The following SDE2 variants were observed in gnomAD, a reference collection of about 807,000 sequenced individuals.
SDE2 encodes spliceosome associated SDE2, also known as splicing regulator SDE2.
In SDE2, 31 loss-of-function variants were observed where a neutral mutation model predicts 46.9. The ratio of observed to expected loss-of-function variants is 0.66; its 90% CI spans 0.50 to 0.89. The LOEUF (loss-of-function observed/expected upper bound fraction) is 0.89, where lower values mean the gene tolerates loss of function less well. SDE2 is among the 40% of genes least tolerant of loss of function. The probability of loss-of-function intolerance (pLI) is 0.00; values close to 1 mark genes in which losing one functional copy is unlikely to be tolerated. For synonymous variants in SDE2, 205 were observed against 204.3 expected, an observed-to-expected ratio of 1.00 and a Z score of -0.03; for missense variants, 542 against 564.4, an observed-to-expected ratio of 0.96 and a Z score of 0.40.
Position 225,992,896 on chromosome 1 carries a change from T to C in SDE2, c.345A>G (p.Glu115=), listed in dbSNP as rs1361551980. Residue 115 remains glutamate (E), a synonymous_variant, in exon 3 of 7, where the codon GAA becomes GAG. Transcript: ENST00000272091. ...AAAAAAGGTGGGCATCTTACGCTTT[T>C]TCATGATTGACATCGCGTAGTCTCC... is the stretch of plus-strand genomic sequence containing the variant. ...SGRRLRDVNH[E]KAMAEWVKQQ... is the part of the protein sequence containing the mutation. The C allele has an allele frequency of 1.9e-6, 3 of 1,598,932 alleles. No individual in the cohort carries two copies. In the East Asian group the frequency reaches 6.7e-5, roughly 36 times the overall value.
Position 225,985,050 on chromosome 1 carries a change from A to G in SDE2, c.*252T>C. ...TAGATTCATTACCTAAATGACACCA[A>G]GATCAAACCAAAAAATGTGAATAGC... On this transcript the variant is annotated 3_prime_UTR_variant, in exon 7 of 7. Coordinates refer to ENST00000272091, the MANE Select transcript of SDE2 (RefSeq NM_152608.4). The G allele has an allele frequency of 2.1e-6, 1 of 465,328 alleles. No homozygotes were observed. Among genetic ancestry groups the G allele is most frequent in the Non-Finnish European group, 3.8e-6 (1 of 261,522 alleles). The allele number at this position is 465,328 out of a possible 1,614,324, so 28.8% of individuals were successfully genotyped here.
intron 2 of SDE2, among the ~76,000 whole-genome samples, chr1:225,993,517 C>G (rs575746820): frequency 7.9e-5 from 12 of 151,898 alleles, no homozygotes; most frequent in Admixed American, 6.6e-4. Context: ...GAGGCTGAGG[C>G]AGGAGAATGG....
chr1:225,990,821 G>C (rs953938468), intron 5 of SDE2, among the ~76,000 whole-genome samples: 1 of 152,192 alleles, frequency 6.6e-6, no homozygotes, highest in African/African-American at 2.4e-5. Context: ...AAAAAGTACT[G>C]CTGTGCTTTT....
rs1178484536 is a variant in SDE2 at position 225,983,607 on chromosome 1, G to T, written c.*1695C>A. On this transcript the variant is annotated 3_prime_UTR_variant, in exon 7 of 7. Transcript: ENST00000272091. ...ACATTGCCCAGGCTGGTCTCGAAAT[G>T]ATCCTCCCACCTCAGCCTCTCAAAT... is the stretch of plus-strand genomic sequence containing the variant. 1.3e-5 allele frequency: 2 copies of T among 152,060 alleles called. No homozygotes were observed. Among genetic ancestry groups the T allele is most frequent in the African/African-American group, 4.8e-5 (2 of 41,398 alleles). 9.4% of individuals were successfully genotyped at this position (152,060 alleles called of 1,614,324 possible).
At chr1:225,986,456 G>A (rs1018261168) in intron 6 of SDE2, among the ~76,000 whole-genome samples, 3 of 151,824 alleles carry the variant, frequency 2.0e-5, no homozygotes, top group Non-Finnish European at 2.9e-5. Flanking sequence ...AAATATTAAA[G>A]AGCTCTGGAG....
At chr1:225,994,846 A>C (rs752679037) in intron 2 of SDE2, among the ~76,000 whole-genome samples, 6 of 152,142 alleles carry the variant, frequency 3.9e-5, no homozygotes, top group Non-Finnish European at 7.3e-5. Context: ...AAAATAAAAG[A>C]CAGCCTGGGC....
rs1472143617 is a variant in SDE2 at position 225,982,760 on chromosome 1, CATT to C, written c.*2539_*2541del. On this transcript the variant is annotated 3_prime_UTR_variant, in exon 7 of 7. Transcript: ENST00000272091. ...CTCTTAATTTCTTTAAAATACATAT[CATT>C]ATTTAAAGCAGAAATTGTAACTTAT... The C allele has an allele frequency of 1.3e-5, 2 of 151,832 alleles. No homozygotes were observed. The highest frequency in any genetic ancestry group is 4.8e-5 in the African/African-American group (2 of 41,356). The allele number at this position is 151,832 out of a possible 1,614,324, so 9.4% of individuals were successfully genotyped here.
intron 1 of SDE2, among the ~76,000 whole-genome samples, chr1:225,997,710 C>T (rs1656560546): frequency 6.6e-6 from 1 of 152,166 alleles, no homozygotes; most frequent in African/African-American, 2.4e-5. Flanking sequence ...GAATTACAGG[C>T]GTGAGCCACC....
At position 225,988,082 on chromosome 1, in the gene SDE2, T is replaced by A. The variant is rs1051113051; in HGVS notation, c.948A>T (p.Thr316=). ...EHMESRMVTE[T]EETQEKKAES... ...CTGCCTTCTTCTCCTGGGTCTCTTC[T>A]GTTTCTGTAACCATCCTGCTTTCCA... The change falls in exon 6 of 7, where the codon ACA becomes ACT. Residue 316 remains threonine (T), a synonymous_variant. Coordinates refer to ENST00000272091, the MANE Select transcript of SDE2 (RefSeq NM_152608.4). 6.2e-7 allele frequency: 1 copy of A among 1,614,092 alleles called. No individual in the cohort carries two copies. Among genetic ancestry groups the A allele is most frequent in the Non-Finnish European group, 8.5e-7 (1 of 1,180,032 alleles).
rs759366781 is a variant in SDE2 at position 225,988,071 on chromosome 1, T to C, written c.959A>G (p.Gln320Arg). Reference protein sequence around the residue: ...SRMVTETEETQEKKAESKEPI... With the variant: ...SRMVTETEETREKKAESKEPI... ...TTCTTTACTCTCTGCCTTCTTCTCC[T>C]GGGTCTCTTCTGTTTCTGTAACCAT... Residue 320 changes from glutamine to arginine, a missense_variant, in exon 6 of 7, where the codon CAG becomes CGG. Physicochemically the swap from Gln to Arg is conservative, Grantham distance 43 (BLOSUM62 1). Coordinates refer to ENST00000272091, the MANE Select transcript of SDE2 (RefSeq NM_152608.4). The C allele has an allele frequency of 1.2e-6, 2 of 1,614,200 alleles. No homozygotes were observed. Among genetic ancestry groups the C allele is most frequent in the South Asian group, 2.2e-5 (2 of 91,086 alleles).
chr1:225,998,401 T>C (rs1656580741), intron 1 of SDE2, among the ~76,000 whole-genome samples: 1 of 152,146 alleles, frequency 6.6e-6, no homozygotes, highest in Non-Finnish European at 1.5e-5. Context: ...GCAGAGGAAA[T>C]AGCCGAGGAA....
Position 225,992,970 on chromosome 1 carries a change from G to T in SDE2, c.271C>A (p.Gln91Lys). The change falls in exon 3 of 7, where the codon CAG becomes AAG. Residue 91 changes from glutamine (Q) to lysine (K), a missense_variant. Around this residue, in one of 3 missense-constraint regions of SDE2, gnomAD observed 6 missense variants for 20.1 expected, o/e 0.30. Transcript: ENST00000272091. Reference protein sequence around the residue: ...FGSMLRALGAQIEKTTNREAC... With the variant: ...FGSMLRALGAKIEKTTNREAC... ...TCTCGATTGGTTGTCTTCTCAATCT[G>T]AGCACCAAGTGCTCGGAGCATAGAT... 6.2e-7 allele frequency: 1 copy of T among 1,612,092 alleles called. No individual in the cohort carries two copies.
Position 225,992,497 on chromosome 1 carries a change from G to C in SDE2, c.421C>G (p.Gln141Glu). ...EKEQKRLERL[Q>E]RKLVEPKHCF... ...TGCTTGGGTTCTACAAGCTTCCGCT[G>C]CAGTCGCTCCAGCCGCTTCTGCTCC... is the stretch of plus-strand genomic sequence containing the variant. Residue 141 changes from glutamine to glutamate, a missense_variant, in exon 4 of 7, where the codon CAG (glutamine) becomes GAG (glutamate). Gln to Glu is a conservative substitution (Grantham distance 29, BLOSUM62 2). Coordinates refer to ENST00000272091, the MANE Select transcript of SDE2 (RefSeq NM_152608.4). 1 of 1,612,770 alleles carries C rather than the reference G, an allele frequency of 6.2e-7. No individual in the cohort carries two copies. Among genetic ancestry groups the C allele is most frequent in the Non-Finnish European group, 8.5e-7 (1 of 1,179,432 alleles).
Position 225,988,020 on chromosome 1 carries a change from G to C in SDE2, c.1010C>G (p.Ala337Gly). 2 of 1,614,144 alleles carry C rather than the reference G, an allele frequency of 1.2e-6. No homozygotes were observed. The highest frequency in any genetic ancestry group is 1.7e-6 in the Non-Finnish European group (2 of 1,180,018). The change falls in exon 6 of 7, where the codon GCT becomes GGT. Residue 337 changes from alanine to glycine, a missense_variant. By Grantham distance (60) the Ala-to-Gly change is moderately conservative. This residue lies in a region of SDE2 where 401 missense variants were observed against 437.8 expected (regional missense o/e 0.92). Transcript: ENST00000272091. ...KEPIEEEPTG[A>G]GLNKDKETEE... ...TGTCTCTTTATCCTTATTCAGTCCA[G>C]CCCCAGTGGGCTCCTCTTCTATGGG...
chr1:225,995,448 G>A (rs1210573649), intron 1 of SDE2, 65 bp from the exon 2 acceptor site: 2 of 812,346 alleles, frequency 2.5e-6, no homozygotes, highest in Admixed American at 3.9e-5. Flanking sequence ...TTACAAGAAG[G>A]GACCTAGCTG....
At chr1:225,991,476 C>A in intron 4 of SDE2, 113 bp from the exon 5 acceptor site, 1 of 717,634 alleles carries the variant, frequency 1.4e-6, no homozygotes. Flanking sequence ...ATTTAAATTT[C>A]TTAAGATACC....
intron 6 of SDE2, 37 bp downstream of exon 6, chr1:225,987,859 G>T (rs778233921): frequency 6.4e-7 from 1 of 1,561,970 alleles, no homozygotes; most frequent in South Asian, 1.2e-5. Context: ...AGATTAAACT[G>T]ATTTGGCTCT....
At chr1:225,987,456 A>T (rs1262731386) in intron 6 of SDE2, among the ~76,000 whole-genome samples, 1 of 152,176 alleles carries the variant, frequency 6.6e-6, no homozygotes, top group Non-Finnish European at 1.5e-5. Flanking sequence ...TTCAGCTGAA[A>T]CTATTGTTCA....
At position 225,988,397 on chromosome 1, in the gene SDE2, A is replaced by G; in HGVS notation, c.642-9T>C. 6.2e-7 allele frequency: 1 copy of G among 1,613,186 alleles called. No homozygotes were observed. The highest frequency in any genetic ancestry group is 8.5e-7 in the Non-Finnish European group (1 of 1,179,292). On this transcript the variant is annotated splice_polypyrimidine_tract_variant and intron_variant, in intron 5 of 6. Transcript: ENST00000272091. ...GTCCCTCCATGCCCAACCTGTCAGAAGCAACAGAAAGGTTTAACAGCGTTT... is the reference window on the plus strand; with the variant it reads ...GTCCCTCCATGCCCAACCTGTCAGAGGCAACAGAAAGGTTTAACAGCGTTT...
Sources: gnomAD v4.1 joint callset for allele counts (sites outside exome capture counted in the v4.1 genomes callset) on GRCh38, gnomAD v4.1.1 for gene constraint, gnomAD v4.1.1 regional missense constraint, MANE v1.5 for transcripts, NCBI Gene and HGNC (gene_info 2026-07-23, HGNC 2026-07-21) for gene names.